ASIC2: variants seen among roughly 807,000 people sequenced by gnomAD.
The protein encoded by ASIC2 is acid sensing ion channel subunit 2.
A neutral mutation model predicts 57.3 loss-of-function variants in ASIC2; 25 were observed. The ratio of observed to expected loss-of-function variants is 0.44; its 90% CI spans 0.32 to 0.61. ASIC2 has a LOEUF of 0.61. Ranked by LOEUF, ASIC2 falls within the 20% of genes least tolerant of loss-of-function variation. ASIC2 has a pLI of 0.06. For synonymous variants in ASIC2, 319 were observed against 307.5 expected (o/e 1.04, Z -0.39); for missense variants, 641 against 738.1 (o/e 0.87, Z 1.52).
At chr17:33,825,255 A>ACAAT (rs571448422) in intron 1 of ASIC2, among the ~76,000 whole-genome samples, 108 of 152,322 alleles carry the variant, frequency 7.1e-4, no homozygotes, top group African/African-American at 2.5e-3. Flanking sequence ...GCAAGGTGGA[A>ACAAT]CAATCAATGT....
chr17:33,947,780 C>G (rs900758434), intron 1 of ASIC2, among the ~76,000 whole-genome samples: 1 of 152,116 alleles, frequency 6.6e-6, no homozygotes, highest in Admixed American at 6.6e-5. Context: ...CAAAGAGGAC[C>G]ATCAAATTGC....
At position 33,201,747 on chromosome 17, in the gene ASIC2, A is replaced by G. The variant is rs562627862; in HGVS notation, c.708+89661T>C. ...GCCACTTCAATAAAAGCTGCTGTCT[A>G]GGCTGGGCATGGTGGCTCACACCTG... is the stretch of plus-strand genomic sequence containing the variant. On this transcript the variant is annotated intron_variant, in intron 1 of 9. Transcript: ENST00000225823. Among the ~76,000 whole-genome samples the G allele has an allele frequency of 3.9e-3, 587 of 152,266 alleles. 2 individuals carry two copies. Among genetic ancestry groups the G allele is most frequent in the Non-Finnish European group, 6.6e-3 (447 of 68,018 alleles).
intron 1 of ASIC2, among the ~76,000 whole-genome samples, chr17:33,983,630 G>A (rs781548789): frequency 5.3e-5 from 8 of 152,214 alleles, no homozygotes; most frequent in Non-Finnish European, 1.2e-4. Flanking sequence ...CAACAGAGGA[G>A]GAAGTTAGGC....
intron 1 of ASIC2, among the ~76,000 whole-genome samples, chr17:33,842,948 G>C (rs1251519243): frequency 4.6e-5 from 7 of 152,206 alleles, no homozygotes; most frequent in Non-Finnish European, 1.5e-5. Flanking sequence ...TTGATGAAAG[G>C]GAGATGTCTG....
intron 1 of ASIC2, among the ~76,000 whole-genome samples, chr17:33,964,050 C>T (rs1209919068): frequency 6.6e-6 from 1 of 152,144 alleles, no homozygotes; most frequent in Admixed American, 6.5e-5. Context: ...CATACAGGGC[C>T]CAACTCCCCA....
At chr17:33,444,849 T>G (rs1015259010) in intron 1 of ASIC2, among the ~76,000 whole-genome samples, 1 of 152,164 alleles carries the variant, frequency 6.6e-6, no homozygotes, top group Non-Finnish European at 1.5e-5. Flanking sequence ...TACTTAAAAG[T>G]CGACGGTTGG....
At chr17:33,973,418 G>C (rs549803172) in intron 1 of ASIC2, among the ~76,000 whole-genome samples, 1 of 152,188 alleles carries the variant, frequency 6.6e-6, no homozygotes, top group African/African-American at 2.4e-5. Context: ...TGCTTAAAGA[G>C]CCCTGGCAGA....
At chr17:33,334,288 AC>A (rs1907429425) in intron 1 of ASIC2, among the ~76,000 whole-genome samples, 1 of 152,142 alleles carries the variant, frequency 6.6e-6, no homozygotes, top group Non-Finnish European at 1.5e-5. Flanking sequence ...AGATAATGAA[AC>A]TGAGGCTCAG....
intron 3 of ASIC2, among the ~76,000 whole-genome samples, chr17:33,029,903 G>T (rs1402630662): frequency 6.6e-6 from 1 of 152,146 alleles, no homozygotes; most frequent in African/African-American, 2.4e-5. Context: ...TTATGTGTTT[G>T]TTGGTCATTC....
At chr17:33,579,786 T>G (rs1034452723) in intron 1 of ASIC2, among the ~76,000 whole-genome samples, 2 of 152,134 alleles carry the variant, frequency 1.3e-5, no homozygotes, top group African/African-American at 4.8e-5. Context: ...AAGAACAAAC[T>G]ACCACACCGT....
At chr17:33,160,727 G>T (rs557494433) in intron 1 of ASIC2, among the ~76,000 whole-genome samples, 1 of 152,280 alleles carries the variant, frequency 6.6e-6, no homozygotes, top group East Asian at 1.9e-4. Context: ...AGATGGCTGG[G>T]ATGGGGTTTG....
intron 1 of ASIC2, among the ~76,000 whole-genome samples, chr17:33,579,746 A>T (rs564671911): frequency 6.6e-6 from 1 of 152,302 alleles, no homozygotes; most frequent in East Asian, 1.9e-4. Flanking sequence ...CCAAACACTA[A>T]ACAGCAGCAA....
intron 1 of ASIC2, among the ~76,000 whole-genome samples, chr17:33,142,180 G>A (rs991255192): frequency 2.0e-5 from 3 of 152,126 alleles, no homozygotes; most frequent in African/African-American, 7.2e-5. Context: ...ATAAATAAAC[G>A]AATGGCAAGG....
intron 1 of ASIC2, among the ~76,000 whole-genome samples, chr17:33,389,074 C>A (rs771121660): frequency 1.3e-5 from 2 of 152,218 alleles, no homozygotes; most frequent in Non-Finnish European, 2.9e-5. Flanking sequence ...ATACTCATGC[C>A]TCAGCCACCC....
chr17:33,116,316 C>T (rs545076493), intron 1 of ASIC2, among the ~76,000 whole-genome samples: 6 of 152,344 alleles, frequency 3.9e-5, no homozygotes, highest in Admixed American at 2.6e-4. Context: ...AAACTTGGAA[C>T]AAGATGCAGC....
chr17:33,239,399 C>G (rs1340459288), intron 1 of ASIC2, among the ~76,000 whole-genome samples: 1 of 152,178 alleles, frequency 6.6e-6, no homozygotes, highest in African/African-American at 2.4e-5. Context: ...CGTTTGTTTT[C>G]TACATAACAC....
intron 1 of ASIC2, among the ~76,000 whole-genome samples, chr17:33,156,223 GTT>G (rs937061683): frequency 3.3e-5 from 5 of 151,698 alleles, no homozygotes; most frequent in African/African-American, 1.2e-4. Flanking sequence ...CGCCCTGCCA[GTT>G]AAAGTGATTC....
chr17:33,965,471 G>C (rs1261482248), intron 1 of ASIC2, among the ~76,000 whole-genome samples: 1 of 152,142 alleles, frequency 6.6e-6, no homozygotes, highest in Non-Finnish European at 1.5e-5. Flanking sequence ...GAAAGGATGG[G>C]TATAATCCAA....
chr17:33,020,647 G>C (rs2091831735), intron 7 of ASIC2, among the ~76,000 whole-genome samples: 1 of 152,144 alleles, frequency 6.6e-6, no homozygotes, highest in Non-Finnish European at 1.5e-5. Flanking sequence ...GAACTTTTGT[G>C]GGGTGGCAGC....
Sources: gnomAD v4.1 joint callset for allele counts (sites outside exome capture counted in the v4.1 genomes callset) on GRCh38, gnomAD v4.1.1 for gene constraint, MANE v1.5 for transcripts, NCBI Gene and HGNC (gene_info 2026-07-23, HGNC 2026-07-21) for gene names.